NHLRC2: variants seen among roughly 807,000 people sequenced by gnomAD.
NHLRC2 encodes the protein NHL repeat-containing protein 2.
In NHLRC2, 33 loss-of-function variants were observed where a neutral mutation model predicts 68.1. The observed-to-expected ratio is 0.48, with a 90% CI of 0.37 to 0.65. The LOEUF (loss-of-function observed/expected upper bound fraction) is 0.65, where lower values mean the gene tolerates loss of function less well. Among genes scored for constraint, NHLRC2 ranks in the 30% least tolerant of loss-of-function variants. The pLI is 0.00. For missense variants in NHLRC2, 761 were observed against 853.8 expected (o/e 0.89, Z 1.35); for synonymous variants, 311 against 309.6 (o/e 1.00, Z -0.05).
chr10:113,885,845 A>C (rs1846077632), intron 5 of NHLRC2, among the ~76,000 whole-genome samples: 1 of 152,050 alleles, frequency 6.6e-6, no homozygotes, highest in South Asian at 2.1e-4. Flanking sequence ...AAAAGTAAGA[A>C]GAATGATAAA....
intron 5 of NHLRC2, among the ~76,000 whole-genome samples, chr10:113,894,296 A>G (rs1846158553): frequency 6.6e-6 from 1 of 152,188 alleles, no homozygotes; most frequent in Non-Finnish European, 1.5e-5. Flanking sequence ...GTATAAAAAT[A>G]TCTGTCTATA....
Position 113,915,686 on chromosome 10 carries a change from A to G in NHLRC2, c.*7150A>G. ...GGTCTTGCTGTGTTGCCCAGGCTAG[A>G]GTGCAGCAGTGACATGATCATAGCT... On this transcript the variant is annotated 3_prime_UTR_variant, in exon 11 of 11. Transcript: ENST00000369301. 5.1e-6 allele frequency: 1 copy of G among 196,988 alleles called. No homozygotes were observed. The highest frequency in any genetic ancestry group is 1.0e-5 in the Non-Finnish European group (1 of 96,998). 12.2% of individuals were successfully genotyped at this position (196,988 alleles called of 1,614,324 possible). A position where few individuals can be genotyped will look rare whatever the true frequency, so the allele number is the denominator to read the frequency against.
rs1186248484 is a variant in NHLRC2, at chr10:113,866,093, A to G, written c.331+7413A>G. ...AATTCAAAACCTTGAAAGAGGCCCA[A>G]TTTCATAATCAACTTGCTTCCTCTA... On this transcript the variant is annotated intron_variant, in intron 2 of 10. Transcript: ENST00000369301. Among the ~76,000 whole-genome samples the G allele has an allele frequency of 3.3e-5, 5 of 152,234 alleles. No homozygotes were observed. The East Asian group carries it at 5.8e-4, about 18-fold the overall frequency.
chr10:113,863,166 CCAA>C (rs1432575263), intron 2 of NHLRC2, among the ~76,000 whole-genome samples: 1 of 152,080 alleles, frequency 6.6e-6, no homozygotes, highest in Non-Finnish European at 1.5e-5. Flanking sequence ...ATAACACTAC[CCAA>C]CAACAACAGG....
chr10:113,888,228 T>C (rs993781460), intron 5 of NHLRC2, among the ~76,000 whole-genome samples: 1 of 152,144 alleles, frequency 6.6e-6, no homozygotes, highest in African/African-American at 2.4e-5. Context: ...GGAATAAGTT[T>C]TAGAGATAAT....
intron 10 of NHLRC2, among the ~76,000 whole-genome samples, chr10:113,905,553 A>T (rs542113337): frequency 3.8e-4 from 58 of 152,312 alleles, no homozygotes; most frequent in Non-Finnish European, 5.3e-4. Context: ...GCATTCCAAC[A>T]TCTGTAACCT....
At chr10:113,863,316 T>C (rs1427694321) in intron 2 of NHLRC2, among the ~76,000 whole-genome samples, 1 of 151,990 alleles carries the variant, frequency 6.6e-6, no homozygotes, top group African/African-American at 2.4e-5. Flanking sequence ...CAAAGGAAAA[T>C]TGGAAAATTC....
chr10:113,891,740 A>G (rs557182725), intron 5 of NHLRC2, among the ~76,000 whole-genome samples: 1 of 151,790 alleles, frequency 6.6e-6, no homozygotes, highest in Non-Finnish European at 1.5e-5. Flanking sequence ...ATAGACTGCT[A>G]CTCGTTGTTA....
At position 113,912,788 on chromosome 10, in the gene NHLRC2, G is replaced by T. The variant is rs760892256; in HGVS notation, c.*4252G>T. ...ATCTGAAGAATAGAAAACCGGAATAGTGCTCGATGCCTGAAGTGGTGCCTG... is the reference window on the plus strand; with the variant it reads ...ATCTGAAGAATAGAAAACCGGAATATTGCTCGATGCCTGAAGTGGTGCCTG... On this transcript the variant is annotated 3_prime_UTR_variant, in exon 11 of 11. Coordinates refer to ENST00000369301, the MANE Select transcript of NHLRC2 (RefSeq NM_198514.4). 1 of 152,184 alleles carries T rather than the reference G, an allele frequency of 6.6e-6. No homozygotes were observed. The highest frequency in any genetic ancestry group is 2.4e-5 in the African/African-American group (1 of 41,414). The allele number at this position is 152,184 out of a possible 1,614,324, so 9.4% of individuals were successfully genotyped here.
intron 5 of NHLRC2, among the ~76,000 whole-genome samples, chr10:113,888,466 G>A (rs914739259): frequency 2.6e-5 from 4 of 152,110 alleles, no homozygotes; most frequent in Non-Finnish European, 5.9e-5. Context: ...TGAAAAAGAT[G>A]TAGGAAAGGG....
chr10:113,884,393 T>A lies in NHLRC2; in HGVS notation c.1039+13T>A, dbSNP rs1564855042. 2.5e-6 allele frequency: 4 copies of A among 1,600,848 alleles called. No individual in the cohort carries two copies. In the Admixed American group the frequency reaches 6.8e-5, roughly 27 times the overall value. On this transcript the variant is annotated intron_variant, in intron 5 of 10. Coordinates refer to ENST00000369301, the MANE Select transcript of NHLRC2 (RefSeq NM_198514.4). ...TTTGGAACATCAGGTATGTGAACTT[T>A]TGATATTAAATGTAAAGGTAAATTT...
chr10:113,877,360 C>T (rs1023305616), intron 3 of NHLRC2, among the ~76,000 whole-genome samples: 14 of 151,520 alleles, frequency 9.2e-5, no homozygotes, highest in Non-Finnish European at 2.1e-4. Flanking sequence ...AAAATATAGC[C>T]GTATCTTTTT....
chr10:113,864,806 G>A (rs775953605), intron 2 of NHLRC2, among the ~76,000 whole-genome samples: 24 of 152,152 alleles, frequency 1.6e-4, no homozygotes, highest in Non-Finnish European at 2.5e-4. Context: ...ACACTCAGTG[G>A]TTTGTTGGAG....
intron 10 of NHLRC2, among the ~76,000 whole-genome samples, chr10:113,907,626 TATAG>T (rs1846288758): frequency 3.9e-5 from 6 of 152,214 alleles, no homozygotes; most frequent in Admixed American, 3.3e-4. Context: ...CGATTTTTGT[TATAG>T]ATAGTCTGTT....
At position 113,860,496 on chromosome 10, in the gene NHLRC2, C is replaced by G. The variant is rs551515491; in HGVS notation, c.331+1816C>G. On this transcript the variant is annotated intron_variant, in intron 2 of 10. Transcript: ENST00000369301. ...TCAGTTTCAACAAAGAATCACAAAG[C>G]ATACACAAAGAACAGGGAAGTACAG... Among the ~76,000 whole-genome samples, 8 of 152,056 alleles carry G rather than the reference C, an allele frequency of 5.3e-5. No homozygotes were observed. The East Asian group carries it at 1.4e-3, about 26-fold the overall frequency.
chr10:113,880,833 T>A (rs1846030652), intron 4 of NHLRC2, among the ~76,000 whole-genome samples: 1 of 151,884 alleles, frequency 6.6e-6, no homozygotes, highest in East Asian at 1.9e-4. Context: ...AAAGTGTGTA[T>A]TCCTCAATAT....
At chr10:113,888,841 T>G (rs1254543890) in intron 5 of NHLRC2, among the ~76,000 whole-genome samples, 1 of 150,802 alleles carries the variant, frequency 6.6e-6, no homozygotes, top group Non-Finnish European at 1.5e-5. Context: ...TTTTTTTTTT[T>G]TTTGAGACTG....
At position 113,876,143 on chromosome 10, in the gene NHLRC2, C is replaced by A. The variant is rs919090639; in HGVS notation, c.332-378C>A. On this transcript the variant is annotated intron_variant, in intron 2 of 10. Transcript: ENST00000369301. ...AAAGACAGTGATACAACAATAAATA[C>A]CTCCCAAAAGCAGGCATAGTCAACT... Among the ~76,000 whole-genome samples, 5 of 150,656 alleles carry A rather than the reference C, an allele frequency of 3.3e-5. No homozygotes were observed. In the South Asian group the frequency reaches 1.0e-3, roughly 32 times the overall value.
chr10:113,869,575 G>C (rs1845902926), intron 2 of NHLRC2, among the ~76,000 whole-genome samples: 1 of 152,076 alleles, frequency 6.6e-6, no homozygotes. Context: ...CTTTGTAGGT[G>C]CTGTTGTCTC....
Sources: allele counts gnomAD v4.1 joint callset (sites outside exome capture counted in the v4.1 genomes callset), GRCh38; gene constraint gnomAD v4.1.1; transcripts MANE v1.5; gene names NCBI Gene and HGNC (gene_info 2026-07-23, HGNC 2026-07-21).